MACROD2: variants seen among roughly 807,000 people sequenced by gnomAD.
The protein encoded by MACROD2 is mono-ADP ribosylhydrolase 2, also known as ADP-ribose glycohydrolase MACROD2.
MACROD2 carries 36 observed loss-of-function variants against 70.4 expected under a neutral mutation model. That is an observed-to-expected ratio of 0.51 (90% CI 0.39 to 0.68). The LOEUF (loss-of-function observed/expected upper bound fraction) is 0.68. Among genes scored for constraint, MACROD2 ranks in the 30% least tolerant of loss-of-function variants. The pLI, the probability that MACROD2 is intolerant of heterozygous loss-of-function variation, is 0.00. For synonymous variants in MACROD2, 172 were observed against 178.8 expected, an observed-to-expected ratio of 0.96 and a Z score of 0.30; for missense variants, 496 against 538.4, an observed-to-expected ratio of 0.92 and a Z score of 0.78.
rs148570456 is a variant in MACROD2, at chr20:14,857,977, C to T, written c.418+173018C>T. 1.9e-3 allele frequency among the ~76,000 whole-genome samples: 283 copies of T among 152,072 alleles called. 1 individual carries two copies. Among genetic ancestry groups the T allele is most frequent in the African/African-American group, 6.3e-3 (261 of 41,504 alleles). On this transcript the variant is annotated intron_variant, in intron 5 of 17. Coordinates refer to ENST00000684519, the MANE Select transcript of MACROD2 (RefSeq NM_001351661.2). ...CTGGGATTACAGGCGCCTGCCACCACGCATGGCTAATTTTTGTATTTTTAG... is the reference window on the plus strand; with the variant it reads ...CTGGGATTACAGGCGCCTGCCACCATGCATGGCTAATTTTTGTATTTTTAG...
chr20:15,671,674 C>T (rs1248791279), intron 8 of MACROD2, among the ~76,000 whole-genome samples: 1 of 152,038 alleles, frequency 6.6e-6, no homozygotes, highest in Non-Finnish European at 1.5e-5. Flanking sequence ...GACTCTTCAT[C>T]AATAATATGA....
chr20:15,480,412 TGC>T (rs1447641979), intron 7 of MACROD2, among the ~76,000 whole-genome samples: 3 of 152,226 alleles, frequency 2.0e-5, no homozygotes, highest in African/African-American at 7.2e-5. Context: ...TTTCTATGTG[TGC>T]CCCTATTTTA....
intron 5 of MACROD2, among the ~76,000 whole-genome samples, chr20:14,886,415 T>C (rs2073676355): frequency 6.6e-6 from 1 of 152,118 alleles, no homozygotes; most frequent in South Asian, 2.1e-4. Flanking sequence ...TGTAAGGACT[T>C]TGGCTTTGGT....
At chr20:14,716,490 C>G (rs2071398533) in intron 5 of MACROD2, among the ~76,000 whole-genome samples, 1 of 152,096 alleles carries the variant, frequency 6.6e-6, no homozygotes, top group African/African-American at 2.4e-5. Context: ...TTCTTTCTGC[C>G]ATTGGTTCCG....
chr20:15,957,458 C>G lies in MACROD2; in HGVS notation c.908-10095C>G, dbSNP rs538829419. Among the ~76,000 whole-genome samples, 34 of 152,286 alleles carry G rather than the reference C, an allele frequency of 2.2e-4. No individual in the cohort carries two copies. In the East Asian group the frequency reaches 4.8e-3, roughly 22 times the overall value. On this transcript the variant is annotated intron_variant, in intron 12 of 17. Coordinates refer to ENST00000684519, the MANE Select transcript of MACROD2 (RefSeq NM_001351661.2). ...TTAAAGTGACCCACTTCATACGTCT[C>G]TAGGTTGGAGCATAAACATACATAA...
At chr20:15,842,350 C>T (rs1345179139) in intron 8 of MACROD2, among the ~76,000 whole-genome samples, 1 of 152,104 alleles carries the variant, frequency 6.6e-6, no homozygotes, top group Middle Eastern at 3.4e-3. Context: ...CTTCATATTA[C>T]GCCCATTTAT....
intron 8 of MACROD2, among the ~76,000 whole-genome samples, chr20:15,763,406 G>A (rs2147001587): frequency 6.6e-6 from 1 of 152,302 alleles, no homozygotes; most frequent in South Asian, 2.1e-4. Flanking sequence ...CCAGACAAAG[G>A]TTGAATGAAG....
intron 8 of MACROD2, among the ~76,000 whole-genome samples, chr20:15,586,532 TAAAAC>T (rs1437841034): frequency 6.6e-6 from 1 of 152,176 alleles, no homozygotes; most frequent in African/African-American, 2.4e-5. Flanking sequence ...CTTAACATGA[TAAAAC>T]ACACTGATCT....
chr20:15,677,962 G>A (rs539376109), intron 8 of MACROD2, among the ~76,000 whole-genome samples: 5 of 152,186 alleles, frequency 3.3e-5, no homozygotes, highest in African/African-American at 1.2e-4. Flanking sequence ...CTACTCGGGA[G>A]GCTGAAGCAG....
At chr20:15,628,632 A>C (rs1003366555) in intron 8 of MACROD2, among the ~76,000 whole-genome samples, 11 of 152,186 alleles carry the variant, frequency 7.2e-5, no homozygotes, top group Non-Finnish European at 1.3e-4. Flanking sequence ...TTGGCTGGAG[A>C]AGTCTATTAT....
intron 3 of MACROD2, among the ~76,000 whole-genome samples, chr20:14,476,945 G>A (rs377349221): frequency 1.3e-4 from 20 of 152,290 alleles, no homozygotes; most frequent in Non-Finnish European, 2.5e-4. Context: ...GGCAGAAAGA[G>A]TGAATTATAG....
chr20:14,484,707 C>T (rs2084702232), intron 3 of MACROD2, among the ~76,000 whole-genome samples: 2 of 152,102 alleles, frequency 1.3e-5, no homozygotes, highest in African/African-American at 4.8e-5. Flanking sequence ...CTTTCTGTGC[C>T]TGGCTTATTT....
chr20:14,807,916 C>G (rs1377890405), intron 5 of MACROD2, among the ~76,000 whole-genome samples: 1 of 151,948 alleles, frequency 6.6e-6, no homozygotes, highest in Non-Finnish European at 1.5e-5. Context: ...AAAAAATGAA[C>G]AAATCCTCTA....
intron 6 of MACROD2, among the ~76,000 whole-genome samples, chr20:15,354,163 T>C (rs561895157): frequency 3.8e-4 from 58 of 151,986 alleles, no homozygotes; most frequent in African/African-American, 1.4e-3. Context: ...TGGAATACTA[T>C]GCAGCCATAA....
At chr20:15,621,265 C>A (rs1284712568) in intron 8 of MACROD2, among the ~76,000 whole-genome samples, 1 of 152,086 alleles carries the variant, frequency 6.6e-6, no homozygotes, top group African/African-American at 2.4e-5. Flanking sequence ...TTATTTCTTC[C>A]CACCTGTTTG....
At chr20:14,304,067 C>A (rs866431282) in intron 3 of MACROD2, among the ~76,000 whole-genome samples, 2 of 152,064 alleles carry the variant, frequency 1.3e-5, no homozygotes, top group Non-Finnish European at 2.9e-5. Flanking sequence ...AAATGAGAAC[C>A]CCTTCTTTAT....
chr20:15,490,171 T>TTCC (rs2047211171), intron 7 of MACROD2, among the ~76,000 whole-genome samples: 9 of 103,660 alleles, frequency 8.7e-5, no homozygotes, highest in South Asian at 2.9e-4. Context: ...TCCTTCCTCC[T>TTCC]TTCCTTCCTT....
chr20:15,309,932 A>G (rs1031480185), intron 6 of MACROD2, among the ~76,000 whole-genome samples: 10 of 152,218 alleles, frequency 6.6e-5, no homozygotes, highest in Admixed American at 3.3e-4. Flanking sequence ...TTAGAGTCCA[A>G]TGTGGCTTAA....
At chr20:15,195,310 G>A (rs898494767) in intron 5 of MACROD2, among the ~76,000 whole-genome samples, 2 of 152,040 alleles carry the variant, frequency 1.3e-5, no homozygotes, top group Non-Finnish European at 2.9e-5. Context: ...CTGCAGAATG[G>A]ACGAAAATTT....
Sources: gnomAD v4.1 joint callset for allele counts (sites outside exome capture counted in the v4.1 genomes callset) on GRCh38, gnomAD v4.1.1 for gene constraint, MANE v1.5 for transcripts, NCBI Gene and HGNC (gene_info 2026-07-23, HGNC 2026-07-21) for gene names.